EXOC4: variants seen among roughly 807,000 people sequenced by gnomAD.
EXOC4 encodes the protein SEC8-like 1.
Under a neutral mutation model 107.2 loss-of-function variants are expected in EXOC4, and 71 were observed. The ratio of observed to expected loss-of-function variants is 0.66; its 90% CI spans 0.55 to 0.81. The LOEUF (loss-of-function observed/expected upper bound fraction) is 0.81. EXOC4 is among the 30% of genes least tolerant of loss of function. EXOC4 has a pLI of 0.00. For missense variants in EXOC4, 1,108 were observed against 1,189.6 expected, an observed-to-expected ratio of 0.93 and a Z score of 1.01; for synonymous variants, 456 against 441.2, an observed-to-expected ratio of 1.03 and a Z score of -0.42.
intron 10 of EXOC4, among the ~76,000 whole-genome samples, chr7:133,714,816 G>C (rs1794966677): frequency 6.6e-6 from 1 of 152,158 alleles, no homozygotes; most frequent in South Asian, 2.1e-4. Context: ...TCCCCATACA[G>C]ATACCAGGAA....
Position 133,480,047 on chromosome 7 carries a change from C to T in EXOC4, c.1329-3C>T. 1.2e-6 allele frequency: 2 copies of T among 1,613,374 alleles called. No homozygotes were observed. Among genetic ancestry groups the T allele is most frequent in the Non-Finnish European group, 1.7e-6 (2 of 1,179,366 alleles). ...TGTCTGTTTCCCCTGTGTTTCTCTG[C>T]AGGTTCGAATCGTCCTCCCATGCCA... On this transcript the variant is annotated splice_region_variant and splice_polypyrimidine_tract_variant and intron_variant, in intron 8 of 17. Coordinates refer to ENST00000253861, the MANE Select transcript of EXOC4 (RefSeq NM_021807.4).
At chr7:133,763,336 C>T (rs1796071578) in intron 10 of EXOC4, among the ~76,000 whole-genome samples, 1 of 152,106 alleles carries the variant, frequency 6.6e-6, no homozygotes, top group Non-Finnish European at 1.5e-5. Flanking sequence ...AAATTCCTGT[C>T]TGTATCCCTT....
intron 1 of EXOC4, among the ~76,000 whole-genome samples, chr7:133,268,211 A>G (rs1045193661): frequency 2.0e-5 from 3 of 152,232 alleles, no homozygotes; most frequent in African/African-American, 7.2e-5. Context: ...AGGTCAAGCA[A>G]CTTGAAAGTT....
intron 6 of EXOC4, among the ~76,000 whole-genome samples, chr7:133,367,070 T>G (rs1229163400): frequency 6.6e-6 from 1 of 152,004 alleles, no homozygotes; most frequent in African/African-American, 2.4e-5. Context: ...TTTACTGATG[T>G]AGAGAACATG....
At chr7:133,427,242 TTATA>T (rs1358980255) in intron 7 of EXOC4, among the ~76,000 whole-genome samples, 1 of 152,142 alleles carries the variant, frequency 6.6e-6, no homozygotes, top group Admixed American at 6.5e-5. Context: ...GTATCCAACT[TTATA>T]GGCTGTGCTG....
intron 10 of EXOC4, among the ~76,000 whole-genome samples, chr7:133,814,054 G>A (rs897726817): frequency 6.6e-6 from 1 of 152,076 alleles, no homozygotes; most frequent in Admixed American, 6.6e-5. Context: ...TGTTATTTGA[G>A]TAGCTAATAC....
chr7:133,419,594 G>A (rs1278081932), intron 7 of EXOC4, among the ~76,000 whole-genome samples: 1 of 152,058 alleles, frequency 6.6e-6, no homozygotes, highest in Non-Finnish European at 1.5e-5. Context: ...GAGCCATGGA[G>A]GATATGGTTT....
chr7:133,503,153 G>A (rs1234411897), intron 9 of EXOC4, among the ~76,000 whole-genome samples: 1 of 152,142 alleles, frequency 6.6e-6, no homozygotes, highest in Non-Finnish European at 1.5e-5. Context: ...CTTTGGCCCA[G>A]GGTGGGAGAG....
chr7:133,926,488 T>C lies in EXOC4; in HGVS notation c.2027+8750T>C, dbSNP rs1256510831. On this transcript the variant is annotated intron_variant, in intron 13 of 17. Transcript: ENST00000253861. ...TTGGTATTCATTATATTATACCTGA[T>C]GTATTATATTGTTACAGGTTCTCTC... Among the ~76,000 whole-genome samples the C allele has an allele frequency of 2.0e-5, 3 of 152,242 alleles. No homozygotes were observed. The East Asian group carries it at 5.8e-4, about 29-fold the overall frequency.
At chr7:134,084,922 C>CG in the EXOC4 span, among the ~76,000 whole-genome samples, 6 of 151,986 alleles carry the variant, frequency 3.9e-5, no homozygotes, top group Non-Finnish European at 8.8e-5. Context: ...AATTTATAGA[C>CG]AAAAAAGGGA....
intron 10 of EXOC4, among the ~76,000 whole-genome samples, chr7:133,759,170 A>G: frequency 6.8e-6 from 1 of 146,926 alleles, no homozygotes; most frequent in Admixed American, 6.8e-5. Flanking sequence ...TTTGTTAGAG[A>G]TGGTATCTCA....
chr7:133,761,666 A>G (rs1253842100), intron 10 of EXOC4, among the ~76,000 whole-genome samples: 1 of 152,160 alleles, frequency 6.6e-6, no homozygotes, highest in African/African-American at 2.4e-5. Context: ...ATCCCACTGT[A>G]TTGCCTGGCT....
At chr7:133,642,031 T>C (rs890477264) in intron 10 of EXOC4, among the ~76,000 whole-genome samples, 2 of 152,240 alleles carry the variant, frequency 1.3e-5, no homozygotes, top group African/African-American at 2.4e-5. Context: ...TTTTCTTTTT[T>C]ACATGTTTTT....
chr7:133,835,835 C>T (rs1797907501), intron 11 of EXOC4, among the ~76,000 whole-genome samples: 1 of 152,084 alleles, frequency 6.6e-6, no homozygotes, highest in Non-Finnish European at 1.5e-5. Context: ...GGAATGGAAG[C>T]TATCTTTACT....
intron 5 of EXOC4, among the ~76,000 whole-genome samples, chr7:133,346,623 T>C (rs1378415329): frequency 1.3e-5 from 2 of 152,188 alleles, no homozygotes; most frequent in African/African-American, 4.8e-5. Flanking sequence ...TCTGTGGGGC[T>C]TCTAGATAAG....
At chr7:133,343,792 G>A (rs1288547870) in intron 5 of EXOC4, among the ~76,000 whole-genome samples, 1 of 151,388 alleles carries the variant, frequency 6.6e-6, no homozygotes, top group Non-Finnish European at 1.5e-5. Context: ...ATTCATTTGA[G>A]CCCCTCTCTT....
At chr7:133,861,166 A>G (rs916302431) in intron 11 of EXOC4, among the ~76,000 whole-genome samples, 2 of 152,222 alleles carry the variant, frequency 1.3e-5, no homozygotes, top group South Asian at 4.1e-4. Flanking sequence ...CACAGTCAGC[A>G]CTAAGTCATA....
intron 1 of EXOC4, among the ~76,000 whole-genome samples, chr7:133,265,131 A>G (rs920552419): frequency 6.6e-6 from 1 of 152,184 alleles, no homozygotes; most frequent in African/African-American, 2.4e-5. Flanking sequence ...ATGAGTAGCA[A>G]CAGGAATATT....
intron 9 of EXOC4, among the ~76,000 whole-genome samples, chr7:133,499,111 G>GA (rs5887634): frequency 7.1e-5 from 10 of 141,118 alleles, no homozygotes; most frequent in Non-Finnish European, 1.5e-4. Context: ...GGAGCTTTTT[G>GA]AAAAAAAAAA....
Sources: gnomAD v4.1 joint callset for allele counts (sites outside exome capture counted in the v4.1 genomes callset) on GRCh38, gnomAD v4.1.1 for gene constraint, MANE v1.5 for transcripts, NCBI Gene and HGNC (gene_info 2026-07-23, HGNC 2026-07-21) for gene names.